The following MGAT4C variants were observed in gnomAD, a reference collection of about 807,000 sequenced individuals.
MGAT4C encodes the protein alpha-1,3-mannosyl-glycoprotein 4-beta-N-acetylglucosaminyltransferase C.
MGAT4C carries 19 observed loss-of-function variants against 40.1 expected under a neutral mutation model. The ratio of observed to expected loss-of-function variants is 0.47; its 90% CI spans 0.33 to 0.70. The LOEUF is 0.70. Ranked by LOEUF, MGAT4C falls within the 30% of genes least tolerant of loss-of-function variation. MGAT4C has a pLI of 0.02. For missense variants in MGAT4C, 491 were observed against 563.2 expected (o/e 0.87, Z 1.30); for synonymous variants, 181 against 187.1 (o/e 0.97, Z 0.27).
At chr12:86,341,174 C>A (rs1954897515) in intron 3 of MGAT4C, among the ~76,000 whole-genome samples, 1 of 152,106 alleles carries the variant, frequency 6.6e-6, no homozygotes, top group African/African-American at 2.4e-5. Context: ...CAATGGCCCA[C>A]CTGGCAGCAA....
At chr12:86,548,272 A>G (rs1270838231) in intron 2 of MGAT4C, among the ~76,000 whole-genome samples, 2 of 151,962 alleles carry the variant, frequency 1.3e-5, no homozygotes, top group Non-Finnish European at 2.9e-5. Flanking sequence ...CTGGGAGGGC[A>G]TTTTTCTTGA....
At chr12:86,142,923 A>G (rs924397979) in intron 1 of MGAT4C, among the ~76,000 whole-genome samples, 17 of 152,150 alleles carry the variant, frequency 1.1e-4, no homozygotes, top group African/African-American at 4.1e-4. Context: ...TGGGGACCTC[A>G]TTCAAAAGGA....
intron 2 of MGAT4C, among the ~76,000 whole-genome samples, chr12:86,456,850 C>T (rs970179324): frequency 1.3e-5 from 2 of 152,062 alleles, no homozygotes; most frequent in Non-Finnish European, 2.9e-5. Context: ...CTCTATCTTA[C>T]ATCCTGTCAG....
chr12:86,423,508 T>C (rs1315602176), intron 3 of MGAT4C, among the ~76,000 whole-genome samples: 3 of 152,094 alleles, frequency 2.0e-5, no homozygotes, highest in Non-Finnish European at 2.9e-5. Context: ...CTATATAATT[T>C]CTTCTATTGA....
At chr12:86,345,483 T>C (rs552708687) in intron 3 of MGAT4C, among the ~76,000 whole-genome samples, 1 of 151,676 alleles carries the variant, frequency 6.6e-6, no homozygotes, top group Non-Finnish European at 1.5e-5. Context: ...TGTCCATGTG[T>C]TCTCTTTGTT....
chr12:86,838,315 C>T (rs1301466131), intron 1 of MGAT4C, among the ~76,000 whole-genome samples: 1 of 152,000 alleles, frequency 6.6e-6, no homozygotes, highest in East Asian at 1.9e-4. Flanking sequence ...TTCAAAAATA[C>T]ATATGGGTAA....
rs59833458 is a variant in MGAT4C at position 86,329,102 on chromosome 12, C to CAATAAATAAATA, written c.-57+4951_-57+4962dup. On this transcript the variant is annotated intron_variant, in intron 4 of 7. Transcript: ENST00000548651. ...TGGGCAACAGAGCAAGACTCCATTTCAATAAATAAATAAATAAATAAATAA... is the reference window on the plus strand; with the variant it reads ...TGGGCAACAGAGCAAGACTCCATTTCAATAAATAAATAAATAAATAAATAAATAAATAAATAA... Among the ~76,000 whole-genome samples the CAATAAATAAATA allele has an allele frequency of 2.4e-3, 334 of 139,358 alleles. 1 individual carries two copies. The highest frequency in any genetic ancestry group is 0.011 in the Middle Eastern group (3 of 274). The allele number at this position is 139,358 out of a possible 152,430, so 91.4% of individuals were successfully genotyped here.
intron 1 of MGAT4C, among the ~76,000 whole-genome samples, chr12:86,742,769 A>C (rs1250279220): frequency 1.3e-5 from 2 of 150,082 alleles, no homozygotes; most frequent in African/African-American, 4.8e-5. Context: ...ATTGTAAATA[A>C]ATATGAAAAG....
intron 1 of MGAT4C, among the ~76,000 whole-genome samples, chr12:86,212,780 T>A: frequency 9.6e-6 from 1 of 104,636 alleles, no homozygotes; most frequent in Non-Finnish European, 2.0e-5. Context: ...TAGTCCCAGC[T>A]ACTTGGGAGG....
chr12:86,411,580 A>G (rs900144534), intron 3 of MGAT4C, among the ~76,000 whole-genome samples: 2 of 152,206 alleles, frequency 1.3e-5, no homozygotes, highest in African/African-American at 4.8e-5. Context: ...GCCTATGCTT[A>G]TATTTTTTAG....
intron 1 of MGAT4C, among the ~76,000 whole-genome samples, chr12:86,104,507 C>T (rs190215867): frequency 1.5e-3 from 234 of 152,124 alleles, no homozygotes; most frequent in African/African-American, 5.4e-3. Context: ...TTCTAAAACT[C>T]TTGAGTAAGT....
At chr12:85,995,388 G>C (rs531877496) in intron 2 of MGAT4C, among the ~76,000 whole-genome samples, 1 of 152,276 alleles carries the variant, frequency 6.6e-6, no homozygotes, top group South Asian at 2.1e-4. Context: ...TCTTTGAGTT[G>C]ATACTGGTAT....
intron 1 of MGAT4C, among the ~76,000 whole-genome samples, chr12:86,748,194 G>A (rs1475782960): frequency 2.0e-5 from 3 of 151,504 alleles, no homozygotes; most frequent in Non-Finnish European, 4.4e-5. Context: ...ATACTAAGTA[G>A]TTGACTACTA....
chr12:86,518,380 A>G (rs1958734261), intron 2 of MGAT4C, among the ~76,000 whole-genome samples: 2 of 152,204 alleles, frequency 1.3e-5, no homozygotes, highest in South Asian at 4.1e-4. Context: ...AAATAGGCAA[A>G]ATATTTAAAG....
At chr12:86,366,892 T>A (rs1955610127) in intron 3 of MGAT4C, among the ~76,000 whole-genome samples, 1 of 152,080 alleles carries the variant, frequency 6.6e-6, no homozygotes, top group Admixed American at 6.6e-5. Context: ...TTGAAACAAT[T>A]AAAAATGTAT....
chr12:86,739,820 G>A (rs916436769), intron 1 of MGAT4C, among the ~76,000 whole-genome samples: 14 of 150,286 alleles, frequency 9.3e-5, no homozygotes, highest in African/African-American at 2.9e-4. Flanking sequence ...GTGTGTGTGC[G>A]TGTGTGTGTA....
intron 4 of MGAT4C, among the ~76,000 whole-genome samples, chr12:86,289,805 A>C (rs914765803): frequency 6.6e-6 from 1 of 152,118 alleles, no homozygotes; most frequent in African/African-American, 2.4e-5. Context: ...ATTTTTAAAA[A>C]TTTTAGGTTT....
chr12:86,715,870 T>C (rs555684826), intron 2 of MGAT4C, among the ~76,000 whole-genome samples: 25 of 152,246 alleles, frequency 1.6e-4, no homozygotes, highest in African/African-American at 5.8e-4. Context: ...TTTACAAAAA[T>C]GTACTTTCAA....
intron 1 of MGAT4C, among the ~76,000 whole-genome samples, chr12:86,136,471 A>C (rs894777336): frequency 6.6e-6 from 1 of 152,190 alleles, no homozygotes; most frequent in African/African-American, 2.4e-5. Flanking sequence ...AAGGGCATCT[A>C]TAAGTGTGTC....
Sources: gnomAD v4.1 joint callset for allele counts (sites outside exome capture counted in the v4.1 genomes callset) on GRCh38, gnomAD v4.1.1 for gene constraint, MANE v1.5 for transcripts, NCBI Gene and HGNC (gene_info 2026-07-23, HGNC 2026-07-21) for gene names.